The following TRIO variants were observed in gnomAD, a reference collection of about 807,000 sequenced individuals.
TRIO encodes triple functional domain protein.
A neutral mutation model predicts 351.9 loss-of-function variants in TRIO; 58 were observed. The ratio of observed to expected loss-of-function variants is 0.16; its 90% CI spans 0.13 to 0.21. The LOEUF (loss-of-function observed/expected upper bound fraction) is 0.21. Ranked by LOEUF, TRIO falls within the 10% of genes least tolerant of loss-of-function variation. The pLI, the probability that TRIO is intolerant of heterozygous loss-of-function variation, is 1.00. For missense variants in TRIO, 3,201 were observed against 4,027.8 expected, an observed-to-expected ratio of 0.79 and a Z score of 5.56; for synonymous variants, 1,758 against 1,595.7, an observed-to-expected ratio of 1.10 and a Z score of -2.42.
In TRIO at chr5:14,422,088, A is replaced by G. The variant is rs150524622; in HGVS notation, c.5203+2067A>G. 9.6e-3 allele frequency among the ~76,000 whole-genome samples: 1,469 copies of G among 152,256 alleles called. 24 individuals carry two copies. Among genetic ancestry groups the G allele is most frequent in the African/African-American group, 0.034 (1,404 of 41,526 alleles). On this transcript the variant is annotated intron_variant, in intron 34 of 56. Coordinates refer to ENST00000344204, the MANE Select transcript of TRIO (RefSeq NM_007118.4). ...ACTCTCTCCTTTTGAGCCTCTTTTC[A>G]GTATAAGAGCTGTTCAGGCTTGAAG...
intron 1 of TRIO, among the ~76,000 whole-genome samples, chr5:14,234,203 A>G (rs1793638986): frequency 6.6e-6 from 1 of 152,226 alleles, no homozygotes; most frequent in Admixed American, 6.5e-5. Context: ...CTTTAGGCCC[A>G]TAGGGAGATA....
intron 1 of TRIO, among the ~76,000 whole-genome samples, chr5:14,214,583 G>A (rs977261820): frequency 4.6e-5 from 7 of 152,240 alleles, no homozygotes; most frequent in African/African-American, 1.4e-4. Context: ...GATGTTATTA[G>A]CATCTACCGT....
At position 14,290,699 on chromosome 5, in the gene TRIO, A is replaced by AT. The variant is rs781679916; in HGVS notation, c.541-9dup. On this transcript the variant is annotated splice_polypyrimidine_tract_variant and intron_variant, in intron 4 of 56. Transcript: ENST00000344204. Reference sequence around the variant, plus strand: ...AAATTGGTTCATCTTCTCATACGTGATTTTTTTTCCCTTAAGACAAATATG... The same window carrying AT: ...AAATTGGTTCATCTTCTCATACGTGATTTTTTTTTCCCTTAAGACAAATATG... 79 of 1,570,322 alleles carry AT rather than the reference A, an allele frequency of 5.0e-5. No homozygotes were observed. The highest frequency in any genetic ancestry group is 5.4e-5 in the Non-Finnish European group (63 of 1,158,306).
intron 1 of TRIO, among the ~76,000 whole-genome samples, chr5:14,159,486 C>T (rs1340976642): frequency 1.3e-5 from 2 of 151,936 alleles, no homozygotes; most frequent in Admixed American, 1.3e-4. Context: ...GGAGAGGCAA[C>T]TTTCTGCTAT....
In TRIO at chr5:14,468,207, A is replaced by G. The variant is rs536726133; in HGVS notation, c.5763+2567A>G. Among the ~76,000 whole-genome samples, 10 of 152,326 alleles carry G rather than the reference A, an allele frequency of 6.6e-5. No individual in the cohort carries two copies. The South Asian group carries it at 1.7e-3, about 25-fold the overall frequency. On this transcript the variant is annotated intron_variant, in intron 37 of 56. Transcript: ENST00000344204. ...CTTACTGTGTTAATCTCCTTTTTCAATTCTGAAGAATTAAACTTTCTCGGT... is the reference window on the plus strand; with the variant it reads ...CTTACTGTGTTAATCTCCTTTTTCAGTTCTGAAGAATTAAACTTTCTCGGT...
At chr5:14,183,099 G>A (rs1001145761) in intron 1 of TRIO, among the ~76,000 whole-genome samples, 1 of 152,176 alleles carries the variant, frequency 6.6e-6, no homozygotes, top group Non-Finnish European at 1.5e-5. Context: ...TGGGGTCTTC[G>A]TTAGGGTTCA....
At chr5:14,282,747 A>C (rs566329513) in intron 3 of TRIO, among the ~76,000 whole-genome samples, 1 of 152,184 alleles carries the variant, frequency 6.6e-6, no homozygotes, top group Non-Finnish European at 1.5e-5. Context: ...ACATCATGTC[A>C]TTCAAAAATA....
chr5:14,320,246 C>T (rs979288370), intron 9 of TRIO, among the ~76,000 whole-genome samples: 2 of 152,140 alleles, frequency 1.3e-5, no homozygotes, highest in African/African-American at 4.8e-5. Flanking sequence ...TTAGAGTATG[C>T]TTTAGTTTTC....
At chr5:14,230,723 C>T (rs1215564237) in intron 1 of TRIO, among the ~76,000 whole-genome samples, 1 of 152,086 alleles carries the variant, frequency 6.6e-6, no homozygotes, top group Non-Finnish European at 1.5e-5. Context: ...GTATCATTCT[C>T]TAGGGTAAAT....
rs115446547 is a variant in TRIO, at chr5:14,505,667, A to G, written c.8612+1074A>G. 4.1e-3 allele frequency among the ~76,000 whole-genome samples: 623 copies of G among 152,186 alleles called. 6 individuals carry two copies. The highest frequency in any genetic ancestry group is 0.013 in the African/African-American group (550 of 41,544). On this transcript the variant is annotated intron_variant, in intron 55 of 56. Transcript: ENST00000344204. ...GCCTCCCCATACCCTTCCTAGGGCAAGGCTGCCACAGCGTCCCACATGGCC... is the reference window on the plus strand; with the variant it reads ...GCCTCCCCATACCCTTCCTAGGGCAGGGCTGCCACAGCGTCCCACATGGCC...
chr5:14,323,476 C>T (rs908788712), intron 9 of TRIO, among the ~76,000 whole-genome samples: 9 of 152,050 alleles, frequency 5.9e-5, no homozygotes, highest in African/African-American at 2.2e-4. Context: ...TTCCTAGAAG[C>T]TGCAATTGCC....
At chr5:14,290,603 A>G (rs981876178) in intron 4 of TRIO, 113 bp from the exon 5 acceptor site, 13 of 1,115,970 alleles carry the variant, frequency 1.2e-5, no homozygotes, top group African/African-American at 4.7e-5. Flanking sequence ...TATGTTTTCT[A>G]TAAATAGATT....
intron 48 of TRIO, 134 bp downstream of exon 48, chr5:14,488,394 C>T: frequency 2.2e-6 from 3 of 1,338,112 alleles, no homozygotes; most frequent in Non-Finnish European, 2.0e-6. Context: ...CTACCTGGGA[C>T]CAGGCTAACC....
At chr5:14,441,720 T>G (rs1424883576) in intron 34 of TRIO, among the ~76,000 whole-genome samples, 3 of 152,238 alleles carry the variant, frequency 2.0e-5, no homozygotes, top group African/African-American at 7.2e-5. Flanking sequence ...GTTGGCTTTA[T>G]GTCTGTTTCA....
Position 14,445,535 on chromosome 5 carries a change from TTGTCCAGTTTCTCAGA to T in TRIO, c.5204-15481_5204-15466del, listed in dbSNP as rs1385927817. Among the ~76,000 whole-genome samples, 4 of 152,354 alleles carry T rather than the reference TTGTCCAGTTTCTCAGA, an allele frequency of 2.6e-5. No individual in the cohort carries two copies. The East Asian group carries it at 7.7e-4, about 29-fold the overall frequency. On this transcript the variant is annotated intron_variant, in intron 34 of 56. Coordinates refer to ENST00000344204, the MANE Select transcript of TRIO (RefSeq NM_007118.4). Reference sequence around the variant, plus strand: ...TAAGAAACCATCTCAATCATATCCATTGTCCAGTTTCTCAGATGCGCAGTTGAGAAACCTTGCTATT... The same window carrying T: ...TAAGAAACCATCTCAATCATATCCATTGCGCAGTTGAGAAACCTTGCTATT...
chr5:14,201,803 T>C (rs1281565870), intron 1 of TRIO, among the ~76,000 whole-genome samples: 1 of 152,096 alleles, frequency 6.6e-6, no homozygotes, highest in African/African-American at 2.4e-5. Flanking sequence ...TGATTAAAAA[T>C]CTGGGCCCCA....
At position 14,364,820 on chromosome 5, in the gene TRIO, A is replaced by C. The variant is rs1052681716; in HGVS notation, c.2754+4A>C. 7 of 1,606,648 alleles carry C rather than the reference A, an allele frequency of 4.4e-6. No individual in the cohort carries two copies. Among genetic ancestry groups the C allele is most frequent in the Non-Finnish European group, 5.9e-6 (7 of 1,177,180 alleles). On this transcript the variant is annotated splice_donor_region_variant and intron_variant, in intron 15 of 56. Coordinates refer to ENST00000344204, the MANE Select transcript of TRIO (RefSeq NM_007118.4). ...CCTGCAGGCAGAAGTGAAACAGGTG[A>C]GCAAACGACTGGATGCTTGGGGAGG...
chr5:14,204,720 A>G (rs79965126), intron 1 of TRIO, among the ~76,000 whole-genome samples: 72 of 152,352 alleles, frequency 4.7e-4, no homozygotes, highest in African/African-American at 1.7e-3. Flanking sequence ...TAAAAGATAC[A>G]GTGTAACATG....
At chr5:14,250,314 C>A (rs1242451708) in intron 1 of TRIO, among the ~76,000 whole-genome samples, 2 of 152,164 alleles carry the variant, frequency 1.3e-5, no homozygotes, top group Admixed American at 1.3e-4. Flanking sequence ...AGCGACTGTG[C>A]GTTTGTAATT....
Sources: allele counts gnomAD v4.1 joint callset (sites outside exome capture counted in the v4.1 genomes callset), GRCh38; gene constraint gnomAD v4.1.1; transcripts MANE v1.5; gene names NCBI Gene and HGNC (gene_info 2026-07-23, HGNC 2026-07-21).